PPFIA4: variants seen among roughly 807,000 people sequenced by gnomAD.
PPFIA4 encodes PPFI scaffold protein A4, also known as liprin-alpha-4.
Under a neutral mutation model 145.7 loss-of-function variants are expected in PPFIA4, and 98 were observed. The ratio of observed to expected loss-of-function variants is 0.67; its 90% CI spans 0.57 to 0.80. The LOEUF is 0.80. Among genes scored for constraint, PPFIA4 ranks in the 30% least tolerant of loss-of-function variants. PPFIA4 has a pLI of 0.00. For synonymous variants in PPFIA4, 628 were observed against 649.6 expected (o/e 0.97, Z 0.51); for missense variants, 1,457 against 1,632.7 (o/e 0.89, Z 1.85).
chr1:203,070,793 A>G (rs1352882100), intron 27 of PPFIA4, among the ~76,000 whole-genome samples: 1 of 152,036 alleles, frequency 6.6e-6, no homozygotes, highest in African/African-American at 2.4e-5. Flanking sequence ...TATCAGATAT[A>G]TTTATTTAAT....
At chr1:203,051,227 G>T in intron 13 of PPFIA4, 1 of 985,426 alleles carries the variant, frequency 1.0e-6, no homozygotes, top group Non-Finnish European at 1.2e-6. Flanking sequence ...GCCTCCTAAA[G>T]CTTCCTAGGC....
chr1:203,030,446 G>T (rs1441636432), intron 1 of PPFIA4, among the ~76,000 whole-genome samples: 1 of 152,224 alleles, frequency 6.6e-6, no homozygotes, highest in Non-Finnish European at 1.5e-5. Context: ...ATGCAGGGGG[G>T]TGACCCCAGA....
At chr1:203,049,189 G>A (rs1403837280) in intron 12 of PPFIA4, among the ~76,000 whole-genome samples, 1 of 152,242 alleles carries the variant, frequency 6.6e-6, no homozygotes, top group East Asian at 1.9e-4. Context: ...GAGGCCAGAA[G>A]CATAGGGCAG....
At chr1:203,050,281 A>G (rs142638067) in intron 13 of PPFIA4, among the ~76,000 whole-genome samples, 43 of 152,226 alleles carry the variant, frequency 2.8e-4, no homozygotes, top group Middle Eastern at 3.4e-3. Flanking sequence ...TTTTCTTGAA[A>G]CCATTGTGAG....
Position 203,048,759 on chromosome 1 carries a change from T to TGGGGGGGGGGG in PPFIA4, c.1356+46_1356+47insGGGGGGGGGGG. On this transcript the variant is annotated intron_variant, in intron 11 of 29. Coordinates refer to ENST00000295706, the MANE Select transcript of PPFIA4 (RefSeq NM_001304331.2). The surrounding 1 kb of genome is among the most constrained non-coding windows in gnomAD (Gnocchi z 5.8). ...TGGGATGCGAGAGGTTAGTGCTGGG[T>TGGGGGGGGGGG]GTGGGGCGGGGGGAGGCGGGACTGT... The TGGGGGGGGGGG allele has an allele frequency of 7.5e-7, 1 of 1,329,788 alleles. No homozygotes were observed. Among genetic ancestry groups the TGGGGGGGGGGG allele is most frequent in the Non-Finnish European group, 9.8e-7 (1 of 1,016,544 alleles). 82.4% of individuals were successfully genotyped at this position (1,329,788 alleles called of 1,614,324 possible). A position where few individuals can be genotyped will look rare whatever the true frequency, so the allele number is the denominator to read the frequency against.
rs768696978 is a variant in PPFIA4 at position 203,068,472 on chromosome 1, C to G, written c.3168C>G (p.Asn1056Lys). The G allele has an allele frequency of 1.9e-6, 3 of 1,606,840 alleles. No homozygotes were observed. The African/African-American group carries it at 4.0e-5, about 22-fold the overall frequency. Residue 1056 changes from asparagine to lysine, a missense_variant, in exon 27 of 30, where the codon AAC (asparagine) becomes AAG (lysine). Around this residue, in one of 3 missense-constraint regions of PPFIA4, gnomAD observed 848 missense variants for 1,046.7 expected, o/e 0.81. Transcript: ENST00000295706. This position sits in a 1 kb window ranked among gnomAD's most constrained non-coding sequence, Gnocchi z 4.7. ...CTCCAGATGTGTTAGTCTGGACCAACGACCAGGTGGTTCATTGGGTCCAGT... is the reference window on the plus strand; with the variant it reads ...CTCCAGATGTGTTAGTCTGGACCAAGGACCAGGTGGTTCATTGGGTCCAGT... Reference protein sequence around the residue: ...HEIKDVLVWTNDQVVHWVQSI... With the variant: ...HEIKDVLVWTKDQVVHWVQSI...
Position 203,055,267 on chromosome 1 carries a change from G to A in PPFIA4, c.1830-165G>A, listed in dbSNP as rs1278433047. On this transcript the variant is annotated intron_variant, in intron 15 of 29. Transcript: ENST00000295706. This position sits in a 1 kb window ranked among gnomAD's most constrained non-coding sequence, Gnocchi z 4.8. ...TTTGTTAAACGGAGGGAGTAGGCAA[G>A]CTAACAAGAAAGAGATGTGTTTCTA... is the stretch of plus-strand genomic sequence containing the variant. Among the ~76,000 whole-genome samples, 1 of 152,214 alleles carries A rather than the reference G, an allele frequency of 6.6e-6. No individual in the cohort carries two copies. The highest frequency in any genetic ancestry group is 1.9e-4 in the East Asian group (1 of 5,194).
chr1:203,060,120 T>C lies in PPFIA4; in HGVS notation c.2584-97T>C. The C allele has an allele frequency of 8.5e-7, 1 of 1,173,836 alleles. No homozygotes were observed. The highest frequency in any genetic ancestry group is 1.2e-6 in the Non-Finnish European group (1 of 816,350). The allele number at this position is 1,173,836 out of a possible 1,614,324, so 72.7% of individuals were successfully genotyped here. Reference sequence around the variant, plus strand: ...CTATGATCTGTATTTGCTATTCGAGTCCGTGGATGAGGCCTGGCCCTTGCC... The same window carrying C: ...CTATGATCTGTATTTGCTATTCGAGCCCGTGGATGAGGCCTGGCCCTTGCC... On this transcript the variant is annotated intron_variant, in intron 21 of 29. Coordinates refer to ENST00000295706, the MANE Select transcript of PPFIA4 (RefSeq NM_001304331.2). This position sits in a 1 kb window ranked among gnomAD's most constrained non-coding sequence, Gnocchi z 4.8.
chr1:203,076,213 G>A (rs1662529253), intron 29 of PPFIA4, 128 bp from the exon 30 acceptor site: 1 of 1,055,280 alleles, frequency 9.5e-7, no homozygotes, highest in Non-Finnish European at 1.4e-6. Context: ...TTCCTGCTTC[G>A]TCTGGCCTGG....
chr1:203,042,795 C>T (rs1490765880), intron 2 of PPFIA4, among the ~76,000 whole-genome samples: 2 of 152,130 alleles, frequency 1.3e-5, no homozygotes, highest in South Asian at 2.1e-4. Flanking sequence ...TGCGCCACCA[C>T]GTCTGACTAA....
At position 203,075,870 on chromosome 1, in the gene PPFIA4, G is replaced by A. The variant is rs1662497686; in HGVS notation, c.3574+113G>A. ...GGCGAGGCCGAGGCTGGTGCCCCGC[G>A]CTCCTGCGCTGCAGCTGCACTAACG... is the stretch of plus-strand genomic sequence containing the variant. On this transcript the variant is annotated intron_variant, in intron 29 of 29. Transcript: ENST00000295706. The surrounding 1 kb of genome is among the most constrained non-coding windows in gnomAD (Gnocchi z 4.1). 1 of 1,080,406 alleles carries A rather than the reference G, an allele frequency of 9.3e-7. No individual in the cohort carries two copies. Among genetic ancestry groups the A allele is most frequent in the Non-Finnish European group, 1.2e-6 (1 of 812,694 alleles). 66.9% of individuals were successfully genotyped at this position (1,080,406 alleles called of 1,614,324 possible).
chr1:203,039,260 G>C lies in PPFIA4; in HGVS notation c.234+18G>C, dbSNP rs756145249. 3 of 1,540,542 alleles carry C rather than the reference G, an allele frequency of 1.9e-6. No homozygotes were observed. The highest frequency in any genetic ancestry group is 2.6e-6 in the Non-Finnish European group (3 of 1,143,766). ...TCCCCCAGGTAAGGCCCGAAGGCCT[G>C]CGTCTCTCTTAACCCCTTTCCCTCC... On this transcript the variant is annotated intron_variant, in intron 2 of 29. Coordinates refer to ENST00000295706, the MANE Select transcript of PPFIA4 (RefSeq NM_001304331.2).
At position 203,062,458 on chromosome 1, in the gene PPFIA4, T is replaced by C. The variant is rs369686066; in HGVS notation, c.2874+780T>C. ...TCACACCACTGCACTCCAGCCTGGGTGACAGAGCAAGACTCCGTCTCAAAA... is the reference window on the plus strand; with the variant it reads ...TCACACCACTGCACTCCAGCCTGGGCGACAGAGCAAGACTCCGTCTCAAAA... On this transcript the variant is annotated intron_variant, in intron 24 of 29. Coordinates refer to ENST00000295706, the MANE Select transcript of PPFIA4 (RefSeq NM_001304331.2). Among the ~76,000 whole-genome samples, 221 of 112,544 alleles carry C rather than the reference T, an allele frequency of 2.0e-3. 3 individuals carry two copies. Among genetic ancestry groups the C allele is most frequent in the African/African-American group, 6.9e-3 (191 of 27,610 alleles). The allele number at this position is 112,544 out of a possible 152,430, so 73.8% of individuals were successfully genotyped here.
chr1:203,028,471 G>A (rs556803841), intron 1 of PPFIA4, among the ~76,000 whole-genome samples: 132 of 152,266 alleles, frequency 8.7e-4, no homozygotes, highest in Non-Finnish European at 1.2e-3. Context: ...AGGTGGGGAT[G>A]AAGGCTCAGC....
At chr1:203,056,600 C>A in intron 18 of PPFIA4, 92 bp downstream of exon 18, 1 of 1,487,632 alleles carries the variant, frequency 6.7e-7, no homozygotes. Flanking sequence ...CTCCCCTGTC[C>A]CAGTTTCTGA....
rs113755541 is a variant in PPFIA4, at chr1:203,060,788, C to T, written c.2785-182C>T. ...GTCTTGGTCCTCTAACACAAGAATGCGGACTGCTCTGTGGGCCCCTGGGGT... is the reference window on the plus strand; with the variant it reads ...GTCTTGGTCCTCTAACACAAGAATGTGGACTGCTCTGTGGGCCCCTGGGGT... On this transcript the variant is annotated intron_variant, in intron 22 of 29. Coordinates refer to ENST00000295706, the MANE Select transcript of PPFIA4 (RefSeq NM_001304331.2). This position sits in a 1 kb window ranked among gnomAD's most constrained non-coding sequence, Gnocchi z 4.8. Among the ~76,000 whole-genome samples, 42 of 152,300 alleles carry T rather than the reference C, an allele frequency of 2.8e-4. No homozygotes were observed. The highest frequency in any genetic ancestry group is 7.2e-4 in the African/African-American group (30 of 41,552).
At chr1:203,040,714 TC>T (rs1659639748) in intron 2 of PPFIA4, among the ~76,000 whole-genome samples, 1 of 152,214 alleles carries the variant, frequency 6.6e-6, no homozygotes, top group South Asian at 2.1e-4. Flanking sequence ...CTAAGTGCTT[TC>T]TATACATTGG....
rs748794605 is a variant in PPFIA4 at position 203,055,524 on chromosome 1, A to G, written c.1922A>G (p.Lys641Arg). ...TSGSMEALNLKQLRKRGSIPT... is the reference protein window; with the variant it reads ...TSGSMEALNLRQLRKRGSIPT... ...GGCAGCATGGAAGCCCTAAACCTGA[A>G]GCAGCTGCGCAAGCGTGGTTCCATC... Residue 641 changes from lysine (K) to arginine (R), a missense_variant, in exon 16 of 30, where the codon AAG becomes AGG. By Grantham distance (26) the Lys-to-Arg change is conservative. Coordinates refer to ENST00000295706, the MANE Select transcript of PPFIA4 (RefSeq NM_001304331.2). The surrounding 1 kb of genome is among the most constrained non-coding windows in gnomAD (Gnocchi z 4.8). The G allele has an allele frequency of 6.8e-6, 11 of 1,613,874 alleles. No individual in the cohort carries two copies. The highest frequency in any genetic ancestry group is 4.0e-5 in the African/African-American group (3 of 74,908).
chr1:203,046,633 T>G, intron 9 of PPFIA4: 1 of 355,724 alleles, frequency 2.8e-6, no homozygotes, highest in Non-Finnish European at 5.0e-6. Flanking sequence ...GAGAAGAAGC[T>G]ATGTTGATGC....
Sources: gnomAD v4.1 joint callset for allele counts (sites outside exome capture counted in the v4.1 genomes callset) on GRCh38, gnomAD v4.1.1 for gene constraint, gnomAD v4.1.1 regional missense constraint, Gnocchi (gnomAD v3.1) non-coding constraint, MANE v1.5 for transcripts, NCBI Gene and HGNC (gene_info 2026-07-23, HGNC 2026-07-21) for gene names.